Variants in ALLC observed in about 807,000 individuals in gnomAD.
ALLC encodes probable inactive allantoicase.
In ALLC, 40 loss-of-function variants were observed where a neutral mutation model predicts 45.0. The observed-to-expected ratio is 0.89, with a 90% CI of 0.69 to 1.16. The LOEUF is 1.16. Ranked by LOEUF, ALLC falls within the 50% of genes most tolerant of loss-of-function variation. The pLI, the probability that ALLC is intolerant of heterozygous loss-of-function variation, is 0.00. For missense variants in ALLC, 488 were observed against 493.1 expected, an observed-to-expected ratio of 0.99 and a Z score of 0.10; for synonymous variants, 176 against 178.1, an observed-to-expected ratio of 0.99 and a Z score of 0.09.
chr2:3,648,469 C>T, the ALLC span, among the ~76,000 whole-genome samples: 23 of 152,346 alleles, frequency 1.5e-4, no homozygotes, highest in Non-Finnish European at 2.8e-4. Context: ...GCGGCATCCA[C>T]TGCCCACAAA....
At chr2:3,679,190 T>TCTAA (rs1212789628) in intron 4 of ALLC, among the ~76,000 whole-genome samples, 1 of 152,266 alleles carries the variant, frequency 6.6e-6, no homozygotes, top group Non-Finnish European at 1.5e-5. Flanking sequence ...TTTCTAGTTT[T>TCTAA]CTAACTTTCT....
chr2:3,652,147 A>G, the ALLC span, among the ~76,000 whole-genome samples: 2,568 of 152,330 alleles, frequency 0.017, 55 homozygotes, highest in African/African-American at 0.049. Context: ...GTGGAAGGGA[A>G]CAAAGCCCAT....
chr2:3,668,565 A>AATT (rs1666786061), intron 1 of ALLC, among the ~76,000 whole-genome samples: 1 of 86,272 alleles, frequency 1.2e-5, no homozygotes, highest in Non-Finnish European at 2.2e-5. Flanking sequence ...AATGTGTATG[A>AATT]CTTTTTTTTT....
upstream of ALLC, among the ~76,000 whole-genome samples, chr2:3,657,099 G>GT (rs911813078): frequency 2.0e-5 from 3 of 152,180 alleles, no homozygotes; most frequent in Non-Finnish European, 2.9e-5. Flanking sequence ...ATGTGGTTTC[G>GT]TTCTTAAAGA....
chr2:3,700,114 G>C (rs565250762), intron 10 of ALLC, among the ~76,000 whole-genome samples: 1 of 152,198 alleles, frequency 6.6e-6, no homozygotes, highest in East Asian at 1.9e-4. Flanking sequence ...TTATCTTCCA[G>C]GGTGTTTATA....
intron 11 of ALLC, among the ~76,000 whole-genome samples, chr2:3,701,852 T>C (rs528873624): frequency 1.3e-5 from 2 of 152,356 alleles, no homozygotes; most frequent in East Asian, 1.9e-4. Flanking sequence ...TGTTAAATGT[T>C]CAGAATACAT....
intron 2 of ALLC, 54 bp downstream of exon 2, chr2:3,671,244 A>G: frequency 1.3e-6 from 2 of 1,576,800 alleles, no homozygotes; most frequent in Non-Finnish European, 1.7e-6. Flanking sequence ...TGCTAAGGGC[A>G]CAACTCACCA....
chr2:3,695,936 A>G lies in ALLC; in HGVS notation c.667+64A>G, dbSNP rs139794877. On this transcript the variant is annotated intron_variant, in intron 8 of 11. Coordinates refer to ENST00000252505, the MANE Select transcript of ALLC (RefSeq NM_018436.4). Reference sequence around the variant, plus strand: ...CTGGGTACCGGCATTAAATACCCCAATATGGTCAGAGTGATTTAAAAGGAA... The same window carrying G: ...CTGGGTACCGGCATTAAATACCCCAGTATGGTCAGAGTGATTTAAAAGGAA... 3.4e-4 allele frequency: 496 copies of G among 1,475,946 alleles called. 2 individuals are homozygous for G. The highest frequency in any genetic ancestry group is 1.0e-3 in the East Asian group (45 of 44,020). 91.4% of individuals were successfully genotyped at this position (1,475,946 alleles called of 1,614,324 possible).
At chr2:3,650,629 A>T in the ALLC span, among the ~76,000 whole-genome samples, 1 of 152,088 alleles carries the variant, frequency 6.6e-6, no homozygotes, top group Non-Finnish European at 1.5e-5. Flanking sequence ...TCCCTTCCAG[A>T]TGCTCTGCTC....
At chr2:3,684,030 T>G (rs967538408) in intron 7 of ALLC, among the ~76,000 whole-genome samples, 3 of 152,260 alleles carry the variant, frequency 2.0e-5, no homozygotes, top group African/African-American at 7.2e-5. Context: ...CTGCTGGCTA[T>G]TTTGAACAAT....
At chr2:3,688,638 TG>T in intron 7 of ALLC, 1 of 184,408 alleles carries the variant, frequency 5.4e-6, no homozygotes, top group South Asian at 9.9e-5. Flanking sequence ...GTGGCTCTTT[TG>T]GCTTACCCCT....
intron 3 of ALLC, among the ~76,000 whole-genome samples, chr2:3,676,897 C>T (rs1392332722): frequency 6.6e-6 from 1 of 152,038 alleles, no homozygotes; most frequent in Non-Finnish European, 1.5e-5. Flanking sequence ...AAGTGATTCT[C>T]CTGCCTCAGC....
At chr2:3,648,035 A>C in the ALLC span, among the ~76,000 whole-genome samples, 2 of 152,082 alleles carry the variant, frequency 1.3e-5, no homozygotes, top group African/African-American at 2.4e-5. Context: ...TGCAGTGGGC[A>C]GGTGTGGGGC....
upstream of ALLC, among the ~76,000 whole-genome samples, chr2:3,657,227 C>G (rs544543991): frequency 2.2e-5 from 3 of 136,824 alleles, no homozygotes. Context: ...GGCTGAGAGA[C>G]GGGCTGGGGT....
chr2:3,650,025 G>A, the ALLC span, among the ~76,000 whole-genome samples: 1 of 152,256 alleles, frequency 6.6e-6, no homozygotes, highest in Non-Finnish European at 1.5e-5. Context: ...GGAACTGGAC[G>A]TGATGCATTA....
chr2:3,671,921 T>C (rs1300723909), intron 2 of ALLC, among the ~76,000 whole-genome samples: 3 of 128,984 alleles, frequency 2.3e-5, no homozygotes, highest in African/African-American at 9.9e-5. Context: ...AGATGGGAGG[T>C]CCTCTGGCTC....
intron 7 of ALLC, among the ~76,000 whole-genome samples, chr2:3,683,576 C>A (rs967018546): frequency 2.0e-5 from 3 of 152,174 alleles, no homozygotes; most frequent in Admixed American, 6.5e-5. Context: ...CCCAAAGCAA[C>A]CACTAATTTG....
chr2:3,662,760 A>G (rs1558533678), intron 1 of ALLC, among the ~76,000 whole-genome samples: 2 of 152,254 alleles, frequency 1.3e-5, no homozygotes, highest in South Asian at 4.1e-4. Context: ...AGTTCTTGAC[A>G]CATAAAACTG....
At position 3,697,400 on chromosome 2, in the gene ALLC, G is replaced by A. The variant is rs35124934; in HGVS notation, c.794G>A (p.Arg265Gln). ...LVPGCEWAVF[R>Q]LAHPGVITRI... ...CCGGGTTGTGAATGGGCAGTTTTCC[G>A]ATTGGCACATCCTGGAGTAATAACT... The change falls in exon 10 of 12, where the codon CGA becomes CAA. Residue 265 changes from arginine (R) to glutamine (Q), a missense_variant. Physicochemically the swap from Arg to Gln is conservative, Grantham distance 43. Transcript: ENST00000252505. 2,638 of 1,613,864 alleles carry A rather than the reference G, an allele frequency of 1.6e-3. 44 individuals carry two copies. In the African/African-American group the frequency reaches 0.029, roughly 18 times the overall value.
Sources: gnomAD v4.1 joint callset for allele counts (sites outside exome capture counted in the v4.1 genomes callset) on GRCh38, gnomAD v4.1.1 for gene constraint, MANE v1.5 for transcripts, NCBI Gene and HGNC (gene_info 2026-07-23, HGNC 2026-07-21) for gene names.